Variants in MED1 observed in about 807,000 individuals in gnomAD.
The protein encoded by MED1 is mediator complex subunit 1, also known as mediator of RNA polymerase II transcription subunit 1.
Under a neutral mutation model 121.3 loss-of-function variants are expected in MED1, and 17 were observed. The observed-to-expected ratio is 0.14, with a 90% CI of 0.10 to 0.21. The LOEUF is 0.21. Ranked by LOEUF, MED1 falls within the 10% of genes least tolerant of loss-of-function variation. The pLI, the probability that MED1 is intolerant of heterozygous loss-of-function variation, is 1.00. For synonymous variants in MED1, 661 were observed against 694.4 expected (o/e 0.95, Z 0.76); for missense variants, 1,558 against 1,919.4 (o/e 0.81, Z 3.52).
At chr17:39,433,723 T>C (rs1460653922) in intron 7 of MED1, among the ~76,000 whole-genome samples, 1 of 151,914 alleles carries the variant, frequency 6.6e-6, no homozygotes, top group African/African-American at 2.4e-5. Context: ...ATCTAAGCTG[T>C]TGCTGTTGTC....
rs972120506 is a variant in MED1 at position 39,408,413 on chromosome 17, A to T, written c.3808T>A (p.Ser1270Thr). Residue 1270 changes from serine to threonine, a missense_variant, in exon 17 of 17, where the codon TCC becomes ACC. Transcript: ENST00000300651. The surrounding 1 kb of genome is among the most constrained non-coding windows in gnomAD (Gnocchi z 4.7). ...PPSSNSCTAS[S>T]SSFSSSGSSM... ...GAGCCACTTGAGGAAAAGGAGGAGG[A>T]AGATGCCGTACAGGAATTAGATGAT... is the stretch of plus-strand genomic sequence containing the variant. The T allele has an allele frequency of 1.2e-6, 2 of 1,614,166 alleles. No individual in the cohort carries two copies. Among genetic ancestry groups the T allele is most frequent in the South Asian group, 1.1e-5 (1 of 91,088 alleles).
chr17:39,447,930 T>C, intron 1 of MED1, 26 bp from the exon 2 acceptor site: 1 of 1,469,238 alleles, frequency 6.8e-7, no homozygotes, highest in Non-Finnish European at 9.5e-7. Context: ...GAAAACGTTA[T>C]CAGTAACTGT....
chr17:39,431,065 C>G (rs2144751140), intron 9 of MED1, 50 bp downstream of exon 9: 1 of 1,463,444 alleles, frequency 6.8e-7, no homozygotes, highest in Non-Finnish European at 9.5e-7. Flanking sequence ...AGTAATGACC[C>G]TCAACTTAAA....
rs893853317 is a variant in MED1, at chr17:39,432,970, G to C, written c.501-954C>G. On this transcript the variant is annotated intron_variant, in intron 7 of 16. Transcript: ENST00000300651. Reference sequence around the variant, plus strand: ...CGCCTATAATCCAAGCACTCTGGGAGGCCATGGCGGGTGGATCAAGGTCAG... The same window carrying C: ...CGCCTATAATCCAAGCACTCTGGGACGCCATGGCGGGTGGATCAAGGTCAG... Among the ~76,000 whole-genome samples, 4 of 152,126 alleles carry C rather than the reference G, an allele frequency of 2.6e-5. No individual in the cohort carries two copies. In the East Asian group the frequency reaches 7.7e-4, roughly 29 times the overall value.
Position 39,440,586 on chromosome 17 carries a change from TAAGTTA to T in MED1, c.266+31_266+36del, listed in dbSNP as rs767318234. Reference sequence around the variant, plus strand: ...AAATAAAGCCACCCAAAGTTAACACTAAGTTAAACATTTCTGCCTACAGAAAGACTA... The same window carrying T: ...AAATAAAGCCACCCAAAGTTAACACTAACATTTCTGCCTACAGAAAGACTA... On this transcript the variant is annotated intron_variant, in intron 4 of 16. Coordinates refer to ENST00000300651, the MANE Select transcript of MED1 (RefSeq NM_004774.4). This position sits in a 1 kb window ranked among gnomAD's most constrained non-coding sequence, Gnocchi z 4.1. 1.9e-6 allele frequency: 3 copies of T among 1,611,490 alleles called. No individual in the cohort carries two copies. The East Asian group carries it at 6.7e-5, about 36-fold the overall frequency.
At position 39,451,231 on chromosome 17, in the gene MED1, C is replaced by T. The variant is rs767442979; in HGVS notation, c.-169G>A. On this transcript the variant is annotated 5_prime_UTR_variant, in exon 1 of 17. Coordinates refer to ENST00000300651, the MANE Select transcript of MED1 (RefSeq NM_004774.4). ...CCGGCGGCAAGAAGAGAAGGGTGCTCGAGGCCGCCGCCATCTTCCCCAACG... is the reference window on the plus strand; with the variant it reads ...CCGGCGGCAAGAAGAGAAGGGTGCTTGAGGCCGCCGCCATCTTCCCCAACG... 7.4e-6 allele frequency: 5 copies of T among 673,354 alleles called. No homozygotes were observed. The highest frequency in any genetic ancestry group is 1.2e-5 in the Non-Finnish European group (5 of 404,132). The allele number at this position is 673,354 out of a possible 1,614,324, so 41.7% of individuals were successfully genotyped here.
intron 14 of MED1, among the ~76,000 whole-genome samples, chr17:39,417,739 T>C (rs1422227241): frequency 6.6e-6 from 1 of 152,254 alleles, no homozygotes; most frequent in Non-Finnish European, 1.5e-5. Context: ...AGAGCGCTTC[T>C]GACTTAAGAT....
intron 14 of MED1, 106 bp downstream of exon 14, chr17:39,419,611 A>G: frequency 8.5e-7 from 1 of 1,169,776 alleles, no homozygotes. Flanking sequence ...AAAAAAAAAA[A>G]ACTTTTTTTA....
At chr17:39,448,624 T>C (rs1013748934) in intron 1 of MED1, among the ~76,000 whole-genome samples, 6 of 148,866 alleles carry the variant, frequency 4.0e-5, no homozygotes, top group African/African-American at 9.9e-5. Context: ...TAAATGAAAA[T>C]GCTGGCTGGG....
At chr17:39,448,719 G>A (rs915662593) in intron 1 of MED1, among the ~76,000 whole-genome samples, 3 of 152,038 alleles carry the variant, frequency 2.0e-5, no homozygotes, top group Non-Finnish European at 2.9e-5. Flanking sequence ...AGACCAGCCT[G>A]ACCAACACGG....
rs762435359 is a variant in MED1, at chr17:39,409,232, G to A, written c.2989C>T (p.Arg997Trp). The stretch of plus-strand genomic sequence containing the variant: ...CTTTTCCCATCATTAGAAGGGGTCC[G>A]ACTGCGCTTCCCTGGTTTGCTGTCT... ...GLDSKPGKRS[R>W]TPSNDGKSKD... Residue 997 changes from arginine to tryptophan, a missense_variant, in exon 17 of 17, where the codon CGG becomes TGG. Physicochemically the swap from Arg to Trp is moderately radical, Grantham distance 101. Coordinates refer to ENST00000300651, the MANE Select transcript of MED1 (RefSeq NM_004774.4). 2.0e-5 allele frequency: 32 copies of A among 1,613,990 alleles called. No homozygotes were observed. The highest frequency in any genetic ancestry group is 5.3e-5 in the African/African-American group (4 of 74,904).
intron 9 of MED1, among the ~76,000 whole-genome samples, chr17:39,429,873 TCC>T (rs2048549836): frequency 1.3e-5 from 2 of 151,780 alleles, no homozygotes; most frequent in African/African-American, 2.4e-5. Flanking sequence ...GATCACTTGA[TCC>T]CAGTTCAAGA....
intron 9 of MED1, among the ~76,000 whole-genome samples, chr17:39,430,417 C>T (rs563182841): frequency 6.6e-6 from 1 of 151,618 alleles, no homozygotes; most frequent in South Asian, 2.1e-4. Flanking sequence ...ATTGGCCAGG[C>T]GCAGTGGCTC....
intron 12 of MED1, 70 bp downstream of exon 12, chr17:39,423,627 T>C (rs2048487595): frequency 8.1e-6 from 13 of 1,598,770 alleles, no homozygotes; most frequent in South Asian, 1.1e-5. Context: ...AAAGACGTCA[T>C]GATAACCTGA....
At position 39,409,010 on chromosome 17, in the gene MED1, T is replaced by C. The variant is rs750618517; in HGVS notation, c.3211A>G (p.Thr1071Ala). 3.7e-6 allele frequency: 6 copies of C among 1,614,074 alleles called. No homozygotes were observed. In the African/African-American group the frequency reaches 5.3e-5, roughly 14 times the overall value. Reference sequence around the variant, plus strand: ...GAGGAAGGCTTGCCCACCATCACTGTTCCCTTAGGAATCTGAATAGTGATT... The same window carrying C: ...GAGGAAGGCTTGCCCACCATCACTGCTCCCTTAGGAATCTGAATAGTGATT... ...PKITIQIPKG[T>A]VMVGKPSSHS... Residue 1071 changes from threonine to alanine, a missense_variant, in exon 17 of 17, where the codon ACA becomes GCA. Thr to Ala is a moderately conservative substitution (Grantham distance 58). This residue lies in a region of MED1 where 793 missense variants were observed against 898.2 expected (regional missense o/e 0.88). Coordinates refer to ENST00000300651, the MANE Select transcript of MED1 (RefSeq NM_004774.4).
chr17:39,423,844 G>C (rs765168485), intron 11 of MED1, 23 bp from the exon 12 acceptor site: 1 of 1,587,868 alleles, frequency 6.3e-7, no homozygotes, highest in South Asian at 1.2e-5. Flanking sequence ...GAGGGTGGAA[G>C]GGTTGGATTC....
rs1178358339 is a variant in MED1, at chr17:39,406,229, G to A, written c.*1246C>T. 23 of 985,326 alleles carry A rather than the reference G, an allele frequency of 2.3e-5. No homozygotes were observed. The highest frequency in any genetic ancestry group is 2.8e-5 in the Non-Finnish European group (23 of 829,930). The allele number at this position is 985,326 out of a possible 1,614,324, so 61.0% of individuals were successfully genotyped here. A position where few individuals can be genotyped will look rare whatever the true frequency, so the allele number is the denominator to read the frequency against. ...TCTTCATGCTCACCTAGCATTCCAG[G>A]CCCCCATTACTTCAAAAGTGAGCTT... On this transcript the variant is annotated 3_prime_UTR_variant, in exon 17 of 17. Coordinates refer to ENST00000300651, the MANE Select transcript of MED1 (RefSeq NM_004774.4).
Position 39,440,658 on chromosome 17 carries a change from C to A in MED1, c.231G>T (p.Met77Ile). Reference sequence around the variant, plus strand: ...TTGCTATGGACTCCAAACGATCAGTCATTGCTGGTAAAGATGTTACTATAA... The same window carrying A: ...TTGCTATGGACTCCAAACGATCAGTAATTGCTGGTAAAGATGTTACTATAA... ...KALKVTSLPA[M>I]TDRLESIARQ... The change falls in exon 4 of 17, where the codon ATG becomes ATT. Residue 77 changes from methionine (M) to isoleucine (I), a missense_variant. Around this residue, in one of 5 missense-constraint regions of MED1, gnomAD observed 443 missense variants for 532.4 expected, o/e 0.83. Transcript: ENST00000300651. This position sits in a 1 kb window ranked among gnomAD's most constrained non-coding sequence, Gnocchi z 4.1. 1 of 1,613,194 alleles carries A rather than the reference C, an allele frequency of 6.2e-7. No individual in the cohort carries two copies. Among genetic ancestry groups the A allele is most frequent in the South Asian group, 1.1e-5 (1 of 90,810 alleles).
In MED1 at chr17:39,408,709, T is replaced by G; in HGVS notation, c.3512A>C (p.Lys1171Thr). The change falls in exon 17 of 17, where the codon AAG becomes ACG. Residue 1171 changes from lysine (K) to threonine (T), a missense_variant. Physicochemically the swap from Lys to Thr is moderately conservative, Grantham distance 78. This residue lies in a region of MED1 where 793 missense variants were observed against 898.2 expected (regional missense o/e 0.88). Transcript: ENST00000300651. The surrounding 1 kb of genome is among the most constrained non-coding windows in gnomAD (Gnocchi z 4.7). ...HGLSSGSSST[K>T]MKPQGKPSSL... ...TGATGGCTTTCCTTGAGGTTTCATC[T>G]TGGTGCTGCTAGAGCCACTGCTCAG... is the stretch of plus-strand genomic sequence containing the variant. The G allele has an allele frequency of 6.2e-7, 1 of 1,614,232 alleles. No homozygotes were observed. The highest frequency in any genetic ancestry group is 1.6e-4 in the Middle Eastern group (1 of 6,062).
Sources: gnomAD v4.1 joint callset for allele counts (sites outside exome capture counted in the v4.1 genomes callset) on GRCh38, gnomAD v4.1.1 for gene constraint, gnomAD v4.1.1 regional missense constraint, Gnocchi (gnomAD v3.1) non-coding constraint, MANE v1.5 for transcripts, NCBI Gene and HGNC (gene_info 2026-07-23, HGNC 2026-07-21) for gene names.